Variants in MCM5 observed in about 807,000 individuals in gnomAD.
MCM5 encodes the protein DNA replication licensing factor MCM5.
Under a neutral mutation model 79.9 loss-of-function variants are expected in MCM5, and 46 were observed. The observed-to-expected ratio is 0.58, with a 90% confidence interval of 0.45 to 0.74. The LOEUF (loss-of-function observed/expected upper bound fraction) is 0.74. Among genes scored for constraint, MCM5 ranks in the 30% least tolerant of loss-of-function variants. The pLI is 0.00. For missense variants in MCM5, 883 were observed against 1,017.0 expected (o/e 0.87, Z 1.79); for synonymous variants, 404 against 390.5 (o/e 1.03, Z -0.41).
chr22:35,425,041 G>A lies in MCM5; in HGVS notation c.*786G>A, dbSNP rs1932765880. ...CTTGGGCGAGACATTTCACTTTTCT[G>A]TGCCTGAGTTTATCAGTAAACTGGA... On this transcript the variant is annotated 3_prime_UTR_variant, in exon 17 of 17. Coordinates refer to ENST00000216122, the MANE Select transcript of MCM5 (RefSeq NM_006739.4). The A allele has an allele frequency of 6.6e-6, 1 of 152,220 alleles. No homozygotes were observed. 9.4% of individuals were successfully genotyped at this position (152,220 alleles called of 1,614,324 possible).
intron 10 of MCM5, 34 bp from the exon 11 acceptor site, chr22:35,416,305 T>C (rs758168840): frequency 6.3e-7 from 1 of 1,598,964 alleles, no homozygotes; most frequent in East Asian, 2.2e-5. Flanking sequence ...CTCACTTCAG[T>C]AGGTCTGATG....
chr22:35,409,209 C>T (rs773177099), intron 6 of MCM5, among the ~76,000 whole-genome samples: 9 of 152,114 alleles, frequency 5.9e-5, no homozygotes, highest in South Asian at 2.1e-4. Context: ...ATGATCCGCC[C>T]GCCTTGGCCT....
At chr22:35,402,804 A>G (rs1932099372) in intron 2 of MCM5, among the ~76,000 whole-genome samples, 1 of 152,120 alleles carries the variant, frequency 6.6e-6, no homozygotes, top group African/African-American at 2.4e-5. Flanking sequence ...TCAGCTTCCT[A>G]AAGTGTTGGG....
the MCM5 span, among the ~76,000 whole-genome samples, chr22:35,450,589 A>G: frequency 6.6e-6 from 1 of 151,992 alleles, no homozygotes; most frequent in African/African-American, 2.4e-5. Context: ...TTTCACTCCC[A>G]CTGGAGAATC....
the MCM5 span, among the ~76,000 whole-genome samples, chr22:35,445,511 ATTTTTT>A: frequency 1.6e-4 from 1 of 6,100 alleles, no homozygotes; most frequent in African/African-American, 1.2e-3. Context: ...GTATTTTTGT[ATTTTTT>A]TTTTTTTTTT....
the MCM5 span, among the ~76,000 whole-genome samples, chr22:35,437,388 C>T: frequency 2.0e-5 from 3 of 152,260 alleles, no homozygotes; most frequent in East Asian, 5.8e-4. Flanking sequence ...GGTGGCATAA[C>T]AAGAGTTGGG....
the MCM5 span, among the ~76,000 whole-genome samples, chr22:35,434,946 G>A: frequency 2.0e-5 from 3 of 152,260 alleles, no homozygotes; most frequent in South Asian, 4.1e-4. Context: ...GAGGTCAGGA[G>A]TTCAAGACCA....
At chr22:35,427,358 C>G (rs1233824769), downstream of MCM5, among the ~76,000 whole-genome samples, 37 of 152,180 alleles carry the variant, frequency 2.4e-4, no homozygotes, top group Admixed American at 2.4e-3. Flanking sequence ...AACAAAATTA[C>G]AAAAATGTTG....
At chr22:35,421,788 A>G (rs1186081267) in intron 15 of MCM5, 1 of 385,872 alleles carries the variant, frequency 2.6e-6, no homozygotes, top group African/African-American at 2.1e-5. Context: ...CAGTGCTTCC[A>G]GAGTTATTTC....
At position 35,413,912 on chromosome 22, in the gene MCM5, C is replaced by T; in HGVS notation, c.1129C>T (p.Leu377=). The T allele has an allele frequency of 6.2e-7, 1 of 1,613,984 alleles. No homozygotes were observed. Among genetic ancestry groups the T allele is most frequent in the Non-Finnish European group, 8.5e-7 (1 of 1,179,828 alleles). Reference sequence around the variant, plus strand: ...ACTTACTCGCCGAGGAGACATCAACCTGCTGATGCTAGGGGACCCTGGGAC... The same window carrying T: ...ACTTACTCGCCGAGGAGACATCAACTTGCTGATGCTAGGGGACCCTGGGAC... ...DGLTRRGDIN[L]LMLGDPGTAK... The change falls in exon 9 of 17, where the codon CTG becomes TTG. Residue 377 remains leucine (L), a synonymous_variant. Coordinates refer to ENST00000216122, the MANE Select transcript of MCM5 (RefSeq NM_006739.4).
chr22:35,453,799 G>GATATAT, the MCM5 span, among the ~76,000 whole-genome samples: 4,607 of 90,826 alleles, frequency 0.051, 211 homozygotes, highest in Non-Finnish European at 0.07. Flanking sequence ...AGAGACAAAA[G>GATATAT]ATATATATAT....
the MCM5 span, among the ~76,000 whole-genome samples, chr22:35,437,243 A>G: frequency 1.3e-5 from 2 of 152,234 alleles, no homozygotes; most frequent in Non-Finnish European, 2.9e-5. Flanking sequence ...GGACTGGCCA[A>G]TCAGAATGCC....
Position 35,419,954 on chromosome 22 carries a change from G to A in MCM5, c.1774G>A (p.Gly592Arg), listed in dbSNP as rs751790568. 2.7e-5 allele frequency: 44 copies of A among 1,613,144 alleles called. No individual in the cohort carries two copies. The South Asian group carries it at 2.8e-4, about 10-fold the overall frequency. Residue 592 changes from glycine (G) to arginine (R), a missense_variant, in exon 14 of 17, where the codon GGG becomes AGG. Around this residue, in one of 3 missense-constraint regions of MCM5, gnomAD observed 426 missense variants for 482.3 expected, o/e 0.88. Transcript: ENST00000216122. ...LKNRYIIMRS[G>R]ARQHERDSDR... ...GAACCGCTACATCATCATGCGGAGC[G>A]GGGCCCGTCAGCACGAGAGGGACAG...
chr22:35,430,312 T>G (rs1932803855), downstream of MCM5, among the ~76,000 whole-genome samples: 1 of 152,178 alleles, frequency 6.6e-6, no homozygotes, highest in South Asian at 2.1e-4. Flanking sequence ...GATAATAGTG[T>G]GGGCTGAGTA....
chr22:35,406,256 C>G (rs1412385109), intron 4 of MCM5, among the ~76,000 whole-genome samples: 1 of 145,280 alleles, frequency 6.9e-6, no homozygotes, highest in Non-Finnish European at 1.5e-5. Context: ...GCACCTGCCA[C>G]TTTGTAGTGA....
At chr22:35,443,755 C>G in the MCM5 span, among the ~76,000 whole-genome samples, 38 of 152,356 alleles carry the variant, frequency 2.5e-4, 2 homozygotes, top group East Asian at 7.3e-3. Flanking sequence ...GTATTCCAGT[C>G]TGCCAGGTGC....
chr22:35,426,643 T>G (rs1460169374), downstream of MCM5, among the ~76,000 whole-genome samples: 2 of 152,154 alleles, frequency 1.3e-5, no homozygotes, highest in Non-Finnish European at 2.9e-5. Flanking sequence ...ACAGTAGCCC[T>G]TTCACCCAGG....
chr22:35,440,196 A>G, the MCM5 span, among the ~76,000 whole-genome samples: 6 of 152,240 alleles, frequency 3.9e-5, no homozygotes, highest in Non-Finnish European at 7.3e-5. Flanking sequence ...AGGCCCTGTG[A>G]TAAAGGATGT....
intron 6 of MCM5, among the ~76,000 whole-genome samples, chr22:35,409,242 C>T (rs1932306004): frequency 6.6e-6 from 1 of 152,198 alleles, no homozygotes; most frequent in African/African-American, 2.4e-5. Flanking sequence ...GGATTACAGG[C>T]GTGAGCTACT....
Sources: allele counts gnomAD v4.1 joint callset (sites outside exome capture counted in the v4.1 genomes callset), GRCh38; gene constraint gnomAD v4.1.1; regional missense constraint gnomAD v4.1.1; transcripts MANE v1.5; gene names NCBI Gene and HGNC (gene_info 2026-07-23, HGNC 2026-07-21).